TMEM131L: variants seen among roughly 807,000 people sequenced by gnomAD.
The protein encoded by TMEM131L is transmembrane protein 131-like.
A neutral mutation model predicts 192.2 loss-of-function variants in TMEM131L; 54 were observed. The observed-to-expected ratio is 0.28, with a 90% CI of 0.23 to 0.35. TMEM131L has a LOEUF of 0.35. Ranked by LOEUF, TMEM131L falls within the 10% of genes least tolerant of loss-of-function variation. The pLI, the probability that TMEM131L is intolerant of heterozygous loss-of-function variation, is 1.00. For missense variants in TMEM131L, 1,888 were observed against 1,972.9 expected, an observed-to-expected ratio of 0.96 and a Z score of 0.82; for synonymous variants, 701 against 704.9, an observed-to-expected ratio of 0.99 and a Z score of 0.09.
rs146280656 is a variant in TMEM131L at position 153,602,602 on chromosome 4, G to A, written c.2514G>A (p.Ala838=). The A allele has an allele frequency of 2.2e-5, 36 of 1,614,044 alleles. No individual in the cohort carries two copies. The South Asian group carries it at 2.3e-4, about 10-fold the overall frequency. Residue 838 remains alanine, a synonymous_variant, in exon 23 of 35, where the codon GCG becomes GCA. Transcript: ENST00000409959. ...GGGACCTAAGTCTTGTAACCGCAGC[G>A]GACCTAGAATTTCGCTTCACTCTCA... The part of the protein sequence containing the change: ...VIRDLSLVTA[A]DLEFRFTLNV...
At chr4:153,483,674 CAGAG>C (rs1732104460) in intron 3 of TMEM131L, among the ~76,000 whole-genome samples, 1 of 152,094 alleles carries the variant, frequency 6.6e-6, no homozygotes, top group East Asian at 1.9e-4. Flanking sequence ...GCCTGGGTGA[CAGAG>C]AGGCCCTATC....
At chr4:153,598,214 T>A (rs1731580752) in intron 20 of TMEM131L, among the ~76,000 whole-genome samples, 1 of 151,624 alleles carries the variant, frequency 6.6e-6, no homozygotes, top group Admixed American at 6.6e-5. Context: ...TTGTTAGTGT[T>A]TGTCTGTGTC....
Position 153,623,081 on chromosome 4 carries a change from C to G in TMEM131L, c.4043C>G (p.Ala1348Gly). Reference sequence around the variant, plus strand: ...GTGGACGCCCAGCACTTCCTGCCGGCCGGTGAGTCCTGAGCAGAGCCCCAG... The same window carrying G: ...GTGGACGCCCAGCACTTCCTGCCGGGCGGTGAGTCCTGAGCAGAGCCCCAG... ...PMVDAQHFLP[A>G]GDSVSQNDFP... Residue 1348 changes from alanine to glycine, a missense_variant and splice_region_variant, in exon 29 of 35, where the codon GCC becomes GGC. Coordinates refer to ENST00000409959, the MANE Select transcript of TMEM131L (RefSeq NM_001131007.2). 6.3e-7 allele frequency: 1 copy of G among 1,596,518 alleles called. No homozygotes were observed. The highest frequency in any genetic ancestry group is 1.1e-5 in the South Asian group (1 of 87,926).
intron 33 of TMEM131L, 114 bp downstream of exon 33, chr4:153,634,394 C>A: frequency 1.2e-6 from 1 of 826,274 alleles, no homozygotes; most frequent in South Asian, 1.5e-5. Flanking sequence ...TGAGAATGAG[C>A]TTGCAGTAGA....
intron 3 of TMEM131L, among the ~76,000 whole-genome samples, chr4:153,521,433 G>A (rs1735105114): frequency 6.6e-6 from 1 of 152,204 alleles, no homozygotes; most frequent in Admixed American, 6.5e-5. Flanking sequence ...AAGGACACGT[G>A]CTGTTAAATA....
chr4:153,497,734 A>G (rs1011748567), intron 3 of TMEM131L, among the ~76,000 whole-genome samples: 2 of 152,196 alleles, frequency 1.3e-5, no homozygotes, highest in Non-Finnish European at 2.9e-5. Flanking sequence ...CAGACATGAG[A>G]TTAGAAAGTG....
rs148328791 is a variant in TMEM131L at position 153,557,033 on chromosome 4, A to G, written c.500A>G (p.Glu167Gly). The G allele has an allele frequency of 1.3e-6, 2 of 1,594,892 alleles. No homozygotes were observed. Among genetic ancestry groups the G allele is most frequent in the East Asian group, 2.2e-5 (1 of 44,704 alleles). ...IFLPTEEGSI[E>G]SSLFINTSSY... ...TTACCTACTGAAGAAGGAAGCATTG[A>G]AAGTTCCTTATTTATTAATACCTCT... The change falls in exon 6 of 35, where the codon GAA becomes GGA. Residue 167 changes from glutamate (E) to glycine (G), a missense_variant. Coordinates refer to ENST00000409959, the MANE Select transcript of TMEM131L (RefSeq NM_001131007.2).
intron 3 of TMEM131L, among the ~76,000 whole-genome samples, chr4:153,528,596 T>C (rs902961824): frequency 6.6e-6 from 1 of 152,076 alleles, no homozygotes; most frequent in African/African-American, 2.4e-5. Flanking sequence ...GCATTCTTTT[T>C]AATGTTTTTC....
chr4:153,603,582 A>G (rs1561234018), intron 24 of TMEM131L, 130 bp downstream of exon 24: 2 of 1,121,586 alleles, frequency 1.8e-6, no homozygotes, highest in East Asian at 2.6e-5. Context: ...TTAAGTCATT[A>G]TGTGAACAGC....
chr4:153,580,727 G>A (rs939328652), intron 7 of TMEM131L, 99 bp from the exon 8 acceptor site: 6 of 689,032 alleles, frequency 8.7e-6, no homozygotes, highest in Non-Finnish European at 1.5e-5. Flanking sequence ...TTGAATAAAT[G>A]AAAAAGTGTA....
At chr4:153,614,010 A>C (rs1480654962) in intron 26 of TMEM131L, among the ~76,000 whole-genome samples, 1 of 152,230 alleles carries the variant, frequency 6.6e-6, no homozygotes, top group East Asian at 1.9e-4. Context: ...AGGGGACTTC[A>C]GAGATTGAAA....
At chr4:153,472,661 G>C (rs1731241783) in intron 2 of TMEM131L, among the ~76,000 whole-genome samples, 1 of 152,200 alleles carries the variant, frequency 6.6e-6, no homozygotes, top group African/African-American at 2.4e-5. Context: ...CATGTTGTGT[G>C]GTGGCAATGT....
At chr4:153,622,053 C>A (rs775333957) in intron 28 of TMEM131L, among the ~76,000 whole-genome samples, 1 of 152,170 alleles carries the variant, frequency 6.6e-6, no homozygotes, top group Admixed American at 6.5e-5. Flanking sequence ...TAGTGCTGCC[C>A]CCCAGCCCCC....
Position 153,551,183 on chromosome 4 carries a change from G to A in TMEM131L, c.308+1042G>A, listed in dbSNP as rs144378455. 5.6e-4 allele frequency among the ~76,000 whole-genome samples: 86 copies of A among 152,272 alleles called. 1 individual carries two copies. Among genetic ancestry groups the A allele is most frequent in the African/African-American group, 1.9e-3 (79 of 41,548 alleles). On this transcript the variant is annotated intron_variant, in intron 4 of 34. Coordinates refer to ENST00000409959, the MANE Select transcript of TMEM131L (RefSeq NM_001131007.2). Reference sequence around the variant, plus strand: ...GCAAATAACACTTCAATTTCATGGAGAGCCTTTTGAGTGACAAGCAAAGTT... The same window carrying A: ...GCAAATAACACTTCAATTTCATGGAAAGCCTTTTGAGTGACAAGCAAAGTT...
chr4:153,535,461 G>A (rs779086631), intron 3 of TMEM131L, among the ~76,000 whole-genome samples: 1 of 152,160 alleles, frequency 6.6e-6, no homozygotes, highest in African/African-American at 2.4e-5. Context: ...TTAGAAAAGA[G>A]GACCAGGGTC....
chr4:153,612,622 C>G (rs1156256581), intron 26 of TMEM131L, among the ~76,000 whole-genome samples: 1 of 152,160 alleles, frequency 6.6e-6, no homozygotes, highest in African/African-American at 2.4e-5. Flanking sequence ...TGAAGAGAAT[C>G]TGTTCTTAAG....
rs575602203 is a variant in TMEM131L, at chr4:153,633,090, G to A, written c.4328+252G>A. On this transcript the variant is annotated intron_variant, in intron 32 of 34. Transcript: ENST00000409959. ...TTTTAAAAACGTCTTTAAAAAAGAC[G>A]ATTTTTTCATATATTAGAGGCAGAT... 1.5e-3 allele frequency: 487 copies of A among 327,892 alleles called. 3 individuals carry two copies. The highest frequency in any genetic ancestry group is 9.3e-3 in the African/African-American group (433 of 46,578). The allele number at this position is 327,892 out of a possible 1,614,324, so 20.3% of individuals were successfully genotyped here. A position where few individuals can be genotyped will look rare whatever the true frequency, so the allele number is the denominator to read the frequency against.
At chr4:153,578,245 A>G (rs1407421817) in intron 7 of TMEM131L, among the ~76,000 whole-genome samples, 1 of 152,154 alleles carries the variant, frequency 6.6e-6, no homozygotes, top group Admixed American at 6.5e-5. Flanking sequence ...AGTCCCAGCT[A>G]CTCAGGAGGC....
chr4:153,529,814 C>T (rs2150222766), intron 3 of TMEM131L, among the ~76,000 whole-genome samples: 1 of 152,220 alleles, frequency 6.6e-6, no homozygotes, highest in South Asian at 2.1e-4. Flanking sequence ...TGGCTTATGC[C>T]CATGTTTTGA....
Sources: allele counts gnomAD v4.1 joint callset (sites outside exome capture counted in the v4.1 genomes callset), GRCh38; gene constraint gnomAD v4.1.1; transcripts MANE v1.5; gene names NCBI Gene and HGNC (gene_info 2026-07-23, HGNC 2026-07-21).